PPARGC1A: variants seen among roughly 807,000 people sequenced by gnomAD.
PPARGC1A encodes the protein peroxisome proliferator-activated receptor gamma coactivator 1-alpha.
In PPARGC1A, 25 loss-of-function variants were observed where a neutral mutation model predicts 88.7. That is an observed-to-expected ratio of 0.28 (90% CI 0.21 to 0.39). The LOEUF is 0.39. Among genes scored for constraint, PPARGC1A ranks in the 10% least tolerant of loss-of-function variants. The probability of loss-of-function intolerance (pLI) is 1.00; values close to 1 mark genes in which losing one functional copy is unlikely to be tolerated. For synonymous variants in PPARGC1A, 363 were observed against 355.6 expected, an observed-to-expected ratio of 1.02 and a Z score of -0.24; for missense variants, 880 against 968.7, an observed-to-expected ratio of 0.91 and a Z score of 1.22.
At chr4:23,823,603 G>A (rs1054634401) in intron 7 of PPARGC1A, among the ~76,000 whole-genome samples, 7 of 151,950 alleles carry the variant, frequency 4.6e-5, no homozygotes, top group African/African-American at 1.4e-4. Context: ...ATGTATTTAA[G>A]AAATAGTGTT....
the PPARGC1A span, among the ~76,000 whole-genome samples, chr4:23,959,546 C>A: frequency 6.6e-6 from 1 of 152,050 alleles, no homozygotes; most frequent in African/African-American, 2.4e-5. Flanking sequence ...TCAGTAGGGG[C>A]ATACCAGCAT....
intron 2 of PPARGC1A, among the ~76,000 whole-genome samples, chr4:23,879,622 A>T (rs1473992563): frequency 6.6e-6 from 1 of 151,958 alleles, no homozygotes; most frequent in Admixed American, 6.6e-5. Context: ...CCTGAATGCC[A>T]CCCCCTCTGC....
At chr4:24,149,047 C>A in the PPARGC1A span, among the ~76,000 whole-genome samples, 1 of 151,994 alleles carries the variant, frequency 6.6e-6, no homozygotes, top group Non-Finnish European at 1.5e-5. Context: ...TTCACTATGC[C>A]CTTTAAAATT....
chr4:24,240,938 C>G, the PPARGC1A span, among the ~76,000 whole-genome samples: 11,611 of 152,104 alleles, frequency 0.076, 607 homozygotes, highest in African/African-American at 0.15. Flanking sequence ...CAGTCACATC[C>G]CCCTCTCATC....
chr4:24,307,243 C>G, the PPARGC1A span, among the ~76,000 whole-genome samples: 47 of 152,272 alleles, frequency 3.1e-4, no homozygotes, highest in African/African-American at 1.1e-3. Context: ...GGTTGTGAAA[C>G]ACAGATTTCA....
the PPARGC1A span, among the ~76,000 whole-genome samples, chr4:24,438,094 G>A: frequency 6.6e-6 from 1 of 152,140 alleles, no homozygotes; most frequent in Admixed American, 6.5e-5. Context: ...GTCCAGGATT[G>A]GACCAGGGGT....
the PPARGC1A span, among the ~76,000 whole-genome samples, chr4:23,985,632 G>A: frequency 6.6e-6 from 1 of 151,836 alleles, no homozygotes; most frequent in Non-Finnish European, 1.5e-5. Context: ...AAACGGGAGG[G>A]AGCTGTTTTC....
At chr4:24,273,518 A>G in the PPARGC1A span, among the ~76,000 whole-genome samples, 1 of 152,146 alleles carries the variant, frequency 6.6e-6, no homozygotes, top group African/African-American at 2.4e-5. Context: ...CTCAGAACCA[A>G]GTGGAACTTT....
At chr4:23,849,862 G>T (rs1728976909) in intron 2 of PPARGC1A, among the ~76,000 whole-genome samples, 1 of 151,272 alleles carries the variant, frequency 6.6e-6, no homozygotes, top group African/African-American at 2.4e-5. Context: ...CACAGCAGTG[G>T]CCCTAACAGA....
chr4:24,234,075 G>A, the PPARGC1A span, among the ~76,000 whole-genome samples: 1 of 152,188 alleles, frequency 6.6e-6, no homozygotes, highest in Non-Finnish European at 1.5e-5. Flanking sequence ...ATCCAGTGCG[G>A]TTTAGAACTT....
the PPARGC1A span, among the ~76,000 whole-genome samples, chr4:24,339,191 C>CGTGTGTGTGTGT: frequency 1.4e-4 from 14 of 102,912 alleles, no homozygotes; most frequent in African/African-American, 3.9e-4. Flanking sequence ...AAGGTTCATC[C>CGTGTGTGTGTGT]ATGTGTGTGT....
the PPARGC1A span, among the ~76,000 whole-genome samples, chr4:24,398,204 A>G: frequency 6.6e-6 from 1 of 152,248 alleles, no homozygotes; most frequent in Non-Finnish European, 1.5e-5. Context: ...AAGATAGCAT[A>G]TAAAATCATA....
the PPARGC1A span, among the ~76,000 whole-genome samples, chr4:24,205,538 T>C: frequency 1.3e-5 from 2 of 152,042 alleles, no homozygotes; most frequent in Non-Finnish European, 2.9e-5. Context: ...AGCAGAGAAT[T>C]TGTTATAAAA....
chr4:24,249,578 CTT>C, the PPARGC1A span, among the ~76,000 whole-genome samples: 1 of 152,190 alleles, frequency 6.6e-6, no homozygotes, highest in African/African-American at 2.4e-5. Context: ...GAAGGAGGAA[CTT>C]TCCTTCAACT....
At chr4:24,156,354 C>A in the PPARGC1A span, among the ~76,000 whole-genome samples, 1 of 152,030 alleles carries the variant, frequency 6.6e-6, no homozygotes, top group Admixed American at 6.6e-5. Context: ...CCCCCACCCT[C>A]CCCACTTGCT....
At chr4:24,047,984 G>T in the PPARGC1A span, among the ~76,000 whole-genome samples, 1 of 152,128 alleles carries the variant, frequency 6.6e-6, no homozygotes, top group African/African-American at 2.4e-5. Flanking sequence ...GGGTAAATGG[G>T]CAAATATATA....
intron 2 of PPARGC1A, among the ~76,000 whole-genome samples, chr4:23,834,318 T>TAC (rs1310998838): frequency 3.9e-4 from 59 of 149,964 alleles, no homozygotes; most frequent in Non-Finnish European, 6.2e-4. Context: ...CATATATATA[T>TAC]ACACACACAC....
chr4:24,217,834 AG>A, the PPARGC1A span, among the ~76,000 whole-genome samples: 14 of 152,094 alleles, frequency 9.2e-5, no homozygotes, highest in Non-Finnish European at 2.1e-4. Context: ...TAAAATAAAA[AG>A]AAAACATGGA....
the PPARGC1A span, among the ~76,000 whole-genome samples, chr4:24,189,260 G>A: frequency 6.6e-6 from 1 of 152,142 alleles, no homozygotes; most frequent in Non-Finnish European, 1.5e-5. Context: ...ATTTAATATC[G>A]CTGAACTATA....
Sources: gnomAD v4.1 joint callset for allele counts (sites outside exome capture counted in the v4.1 genomes callset) on GRCh38, gnomAD v4.1.1 for gene constraint, MANE v1.5 for transcripts, NCBI Gene and HGNC (gene_info 2026-07-23, HGNC 2026-07-21) for gene names.